The following QTMAN variants were observed in gnomAD, a reference collection of about 807,000 sequenced individuals.
The protein encoded by QTMAN is queuosine-tRNA mannosyltransferase.
chr2:144,109,847 T>C, the QTMAN span, among the ~76,000 whole-genome samples: 1 of 152,178 alleles, frequency 6.6e-6, no homozygotes, highest in Non-Finnish European at 1.5e-5. Flanking sequence ...TGAGATACCA[T>C]CTCACACCAG....
At chr2:143,980,355 G>A in the QTMAN span, among the ~76,000 whole-genome samples, 1 of 152,204 alleles carries the variant, frequency 6.6e-6, no homozygotes, top group Non-Finnish European at 1.5e-5. Flanking sequence ...CTGTGCAAAG[G>A]ACATGATCTC....
At chr2:144,220,140 T>C in the QTMAN span, among the ~76,000 whole-genome samples, 4 of 152,146 alleles carry the variant, frequency 2.6e-5, no homozygotes, top group Non-Finnish European at 1.5e-5. Context: ...CAGGGCTGAG[T>C]AAATCTGGGA....
At chr2:144,035,033 G>A in the QTMAN span, among the ~76,000 whole-genome samples, 1 of 152,208 alleles carries the variant, frequency 6.6e-6, no homozygotes, top group Non-Finnish European at 1.5e-5. Flanking sequence ...CAAATCTCAT[G>A]TTGAATTGTA....
the QTMAN span, chr2:143,950,928 T>C: frequency 6.6e-6 from 1 of 152,008 alleles, no homozygotes; most frequent in Non-Finnish European, 1.5e-5. Flanking sequence ...GCCAAGTTAA[T>C]AGACAATGAA....
At chr2:144,172,109 G>C in the QTMAN span, among the ~76,000 whole-genome samples, 2 of 151,936 alleles carry the variant, frequency 1.3e-5, no homozygotes, top group African/African-American at 4.8e-5. Flanking sequence ...AAGGAAATTG[G>C]AGTTGAGATC....
At chr2:144,157,083 G>A in the QTMAN span, among the ~76,000 whole-genome samples, 6,644 of 151,956 alleles carry the variant, frequency 0.044, 258 homozygotes, top group East Asian at 0.18. Context: ...CAAGTTAGAC[G>A]TTTCAATGAA....
the QTMAN span, among the ~76,000 whole-genome samples, chr2:144,015,460 C>CA: frequency 2.7e-4 from 41 of 151,816 alleles, no homozygotes; most frequent in Non-Finnish European, 4.9e-4. Context: ...ACCCTCCCCT[C>CA]ACCCACCACT....
At chr2:144,182,597 T>C in the QTMAN span, among the ~76,000 whole-genome samples, 1 of 122,510 alleles carries the variant, frequency 8.2e-6, no homozygotes, top group Non-Finnish European at 1.6e-5. Context: ...TGAGCCAAGA[T>C]CGCACCATTG....
the QTMAN span, among the ~76,000 whole-genome samples, chr2:144,323,774 T>A: frequency 1.3e-5 from 2 of 152,214 alleles, no homozygotes; most frequent in Non-Finnish European, 2.9e-5. Context: ...TTTGTTTATA[T>A]AACAACAGCA....
the QTMAN span, among the ~76,000 whole-genome samples, chr2:144,182,808 A>AATATATATATATTATATATATAAT: frequency 0.032 from 1,702 of 52,460 alleles, 439 homozygotes; most frequent in Non-Finnish European, 0.047. Context: ...TTATATATAT[A>AATATATATATATTATATATATAAT]ATATATATAT....
the QTMAN span, among the ~76,000 whole-genome samples, chr2:144,207,431 C>A: frequency 6.6e-6 from 1 of 152,096 alleles, no homozygotes; most frequent in Non-Finnish European, 1.5e-5. Context: ...TTAGAAGCAG[C>A]AGATGGGTAG....
At chr2:144,110,679 A>ACAC in the QTMAN span, among the ~76,000 whole-genome samples, 1 of 114,298 alleles carries the variant, frequency 8.7e-6, no homozygotes, top group East Asian at 3.6e-4. Context: ...AGAAAAATCG[A>ACAC]CCCCCCCCCA....
the QTMAN span, among the ~76,000 whole-genome samples, chr2:144,076,963 A>G: frequency 3.9e-5 from 6 of 152,064 alleles, no homozygotes; most frequent in Non-Finnish European, 7.4e-5. Flanking sequence ...TTAAAAAAAA[A>G]TAATAAACTA....
the QTMAN span, among the ~76,000 whole-genome samples, chr2:144,315,055 T>G: frequency 6.6e-6 from 1 of 151,902 alleles, no homozygotes; most frequent in Non-Finnish European, 1.5e-5. Flanking sequence ...CCGGCTAATT[T>G]TGGTATTTTT....
chr2:144,027,545 T>C, the QTMAN span, among the ~76,000 whole-genome samples: 2 of 152,212 alleles, frequency 1.3e-5, no homozygotes, highest in Admixed American at 6.5e-5. Context: ...CTGGGATGTA[T>C]GTGTCACAGT....
the QTMAN span, among the ~76,000 whole-genome samples, chr2:144,261,461 C>T: frequency 6.6e-6 from 1 of 152,060 alleles, no homozygotes; most frequent in African/African-American, 2.4e-5. Flanking sequence ...TGGGGGAAAG[C>T]CCAGATAACA....
At chr2:144,138,108 G>A in the QTMAN span, among the ~76,000 whole-genome samples, 1 of 152,048 alleles carries the variant, frequency 6.6e-6, no homozygotes, top group Admixed American at 6.6e-5. Flanking sequence ...GGATGATGAT[G>A]AGGAACCCAG....
chr2:144,118,649 C>T, the QTMAN span, among the ~76,000 whole-genome samples: 11 of 152,148 alleles, frequency 7.2e-5, no homozygotes, highest in African/African-American at 2.2e-4. Flanking sequence ...TTTGGGAGGC[C>T]GAGGTGGGTG....
chr2:144,245,847 G>A, the QTMAN span, among the ~76,000 whole-genome samples: 1 of 152,104 alleles, frequency 6.6e-6, no homozygotes, highest in Non-Finnish European at 1.5e-5. Flanking sequence ...GGGAATAATC[G>A]GAATATAATT....
Sources: allele counts gnomAD v4.1 joint callset (sites outside exome capture counted in the v4.1 genomes callset), GRCh38; gene constraint gnomAD v4.1.1; transcripts MANE v1.5; gene names NCBI Gene and HGNC (gene_info 2026-07-23, HGNC 2026-07-21).